PDE1C: variants seen among roughly 807,000 people sequenced by gnomAD.
The protein encoded by PDE1C is dual specificity calcium/calmodulin-dependent 3',5'-cyclic nucleotide phosphodiesterase 1C.
In PDE1C, 62 loss-of-function variants were observed where a neutral mutation model predicts 93.1. The observed-to-expected ratio is 0.67, with a 90% CI of 0.54 to 0.82. The LOEUF (loss-of-function observed/expected upper bound fraction) is 0.82. Ranked by LOEUF, PDE1C falls within the 40% of genes least tolerant of loss-of-function variation. The probability of loss-of-function intolerance (pLI) is 0.00; values close to 1 mark genes in which losing one functional copy is unlikely to be tolerated. For missense variants in PDE1C, 742 were observed against 884.6 expected, an observed-to-expected ratio of 0.84 and a Z score of 2.04; for synonymous variants, 325 against 310.1, an observed-to-expected ratio of 1.05 and a Z score of -0.50.
intron 2 of PDE1C, among the ~76,000 whole-genome samples, chr7:31,937,679 A>G (rs1225279615): frequency 6.6e-6 from 1 of 152,184 alleles, no homozygotes; most frequent in Non-Finnish European, 1.5e-5. Flanking sequence ...TAAAAAGACA[A>G]TGTTTTAAAG....
In PDE1C at chr7:32,024,303, A is replaced by T. The variant is rs138819990; in HGVS notation, c.128+27251T>A. Among the ~76,000 whole-genome samples, 3 of 152,190 alleles carry T rather than the reference A, an allele frequency of 2.0e-5. No homozygotes were observed. The East Asian group carries it at 5.8e-4, about 29-fold the overall frequency. ...ATTTATAAAATGTCTGAAGTTTTCA[A>T]TATACCTTTTTACAATAAGGACATT... On this transcript the variant is annotated intron_variant, in intron 2 of 17. Coordinates refer to ENST00000396191, the MANE Select transcript of PDE1C (RefSeq NM_001191057.4).
At position 32,043,027 on chromosome 7, in the gene PDE1C, T is replaced by C. The variant is rs556748082; in HGVS notation, c.128+8527A>G. Among the ~76,000 whole-genome samples the C allele has an allele frequency of 5.3e-5, 8 of 152,306 alleles. No individual in the cohort carries two copies. The South Asian group carries it at 1.7e-3, about 32-fold the overall frequency. ...TTAATCTTACCTCTTTACCAGTGGT[T>C]CTCAACTAGAGGTGATTTTGACATA... is the stretch of plus-strand genomic sequence containing the variant. On this transcript the variant is annotated intron_variant, in intron 2 of 17. Coordinates refer to ENST00000396191, the MANE Select transcript of PDE1C (RefSeq NM_001191057.4).
At chr7:31,676,188 T>C in the PDE1C span, among the ~76,000 whole-genome samples, 3 of 152,124 alleles carry the variant, frequency 2.0e-5, no homozygotes, top group African/African-American at 7.2e-5. Context: ...CATTACAAAA[T>C]AGTGGGACTA....
the PDE1C span, among the ~76,000 whole-genome samples, chr7:31,711,264 A>G: frequency 3.3e-5 from 5 of 152,242 alleles, no homozygotes; most frequent in Non-Finnish European, 7.3e-5. Context: ...ATATCCATCA[A>G]TCAAATCATA....
At chr7:31,850,174 C>G (rs188822853) in intron 8 of PDE1C, among the ~76,000 whole-genome samples, 1 of 152,148 alleles carries the variant, frequency 6.6e-6, no homozygotes, top group Non-Finnish European at 1.5e-5. Flanking sequence ...CTAAACAGAG[C>G]AGATACGAAA....
the PDE1C span, chr7:31,651,191 G>A: frequency 1.5e-5 from 25 of 1,613,538 alleles, no homozygotes; most frequent in Middle Eastern, 1.7e-4. Context: ...CAAAGTTTCC[G>A]GGAGTATTTA....
intron 1 of PDE1C, among the ~76,000 whole-genome samples, chr7:32,423,739 C>T (rs899261348): frequency 6.6e-6 from 1 of 152,132 alleles, no homozygotes; most frequent in African/African-American, 2.4e-5. Context: ...AATGAGTCAG[C>T]AAGACAATGC....
intron 2 of PDE1C, among the ~76,000 whole-genome samples, chr7:32,017,923 A>C (rs1788125994): frequency 6.6e-6 from 1 of 151,618 alleles, no homozygotes; most frequent in Non-Finnish European, 1.5e-5. Flanking sequence ...TACAAAAAAT[A>C]AGAAAAATTA....
At chr7:31,965,356 C>A (rs989502206) in intron 2 of PDE1C, among the ~76,000 whole-genome samples, 2 of 152,086 alleles carry the variant, frequency 1.3e-5, no homozygotes, top group African/African-American at 4.8e-5. Flanking sequence ...GAAAGGGTAT[C>A]AGTGATGGAA....
intron 1 of PDE1C, among the ~76,000 whole-genome samples, chr7:32,334,613 A>G (rs1783580495): frequency 1.2e-5 from 1 of 84,756 alleles, no homozygotes. Context: ...CATGTCCCCA[A>G]AGTCCAATAT....
At chr7:31,725,957 AAAAC>A in the PDE1C span, among the ~76,000 whole-genome samples, 1 of 152,248 alleles carries the variant, frequency 6.6e-6, no homozygotes. Context: ...AATAGGAAGA[AAAAC>A]AAAAGTAGAA....
At chr7:32,230,651 G>T (rs1807630964) in intron 1 of PDE1C, among the ~76,000 whole-genome samples, 1 of 152,040 alleles carries the variant, frequency 6.6e-6, no homozygotes, top group Non-Finnish European at 1.5e-5. Context: ...AATGAAAACG[G>T]TCACTCTAGC....
At chr7:32,225,536 G>A (rs568258666) in intron 1 of PDE1C, among the ~76,000 whole-genome samples, 1 of 152,232 alleles carries the variant, frequency 6.6e-6, no homozygotes, top group Admixed American at 6.5e-5. Context: ...GCTTGTAGGG[G>A]TTCTTGTGTT....
chr7:31,842,573 A>G (rs1359757646), intron 9 of PDE1C, among the ~76,000 whole-genome samples: 1 of 152,122 alleles, frequency 6.6e-6, no homozygotes, highest in Non-Finnish European at 1.5e-5. Flanking sequence ...ATTTATTGAG[A>G]TAAAGTTGTT....
At chr7:31,804,342 A>G (rs1387967309) in intron 16 of PDE1C, among the ~76,000 whole-genome samples, 1 of 151,820 alleles carries the variant, frequency 6.6e-6, no homozygotes, top group African/African-American at 2.4e-5. Flanking sequence ...TAGTGGGAAT[A>G]GGCACTTTTC....
chr7:32,116,022 T>C (rs1011311088), intron 3 of PDE1C, among the ~76,000 whole-genome samples: 4 of 152,140 alleles, frequency 2.6e-5, no homozygotes, highest in African/African-American at 4.8e-5. Flanking sequence ...CTCAGGAAAT[T>C]GGGATACTAC....
At chr7:32,193,455 G>A (rs1419547303) in intron 2 of PDE1C, among the ~76,000 whole-genome samples, 1 of 152,162 alleles carries the variant, frequency 6.6e-6, no homozygotes, top group Non-Finnish European at 1.5e-5. Context: ...TATACTGATT[G>A]ATTTTAGAAT....
At chr7:31,691,096 T>C in the PDE1C span, among the ~76,000 whole-genome samples, 1 of 152,134 alleles carries the variant, frequency 6.6e-6, no homozygotes, top group Non-Finnish European at 1.5e-5. Flanking sequence ...ATACAAACAC[T>C]GAAAACAATG....
intron 1 of PDE1C, among the ~76,000 whole-genome samples, chr7:32,311,350 T>C (rs535274542): frequency 2.3e-3 from 353 of 152,318 alleles, no homozygotes; most frequent in Non-Finnish European, 4.2e-3. Context: ...TACCATTCCT[T>C]CTGAAACTAT....
Sources: allele counts gnomAD v4.1 joint callset (sites outside exome capture counted in the v4.1 genomes callset), GRCh38; gene constraint gnomAD v4.1.1; transcripts MANE v1.5; gene names NCBI Gene and HGNC (gene_info 2026-07-23, HGNC 2026-07-21).